Variants in DNAH3 observed in about 807,000 individuals in gnomAD.
DNAH3 encodes the protein dynein axonemal heavy chain 3.
In DNAH3, 332 loss-of-function variants were observed where a neutral mutation model predicts 432.5. That is an observed-to-expected ratio of 0.77 (90% CI 0.70 to 0.84). The LOEUF is 0.84. Ranked by LOEUF, DNAH3 falls within the 40% of genes least tolerant of loss-of-function variation. DNAH3 has a pLI of 0.00. For synonymous variants in DNAH3, 1,956 were observed against 1,900.2 expected (o/e 1.03, Z -0.76); for missense variants, 4,861 against 5,114.0 (o/e 0.95, Z 1.51).
intron 5 of DNAH3, among the ~76,000 whole-genome samples, chr16:21,139,635 C>A (rs1241882624): frequency 6.6e-6 from 1 of 151,708 alleles, no homozygotes; most frequent in African/African-American, 2.4e-5. Context: ...TGGTACCATA[C>A]CCAGCTAATT....
exon 56 of DNAH3, chr16:20,952,514 G>C: frequency 6.2e-7 from 1 of 1,613,156 alleles, no homozygotes; most frequent in Non-Finnish European, 8.5e-7. Flanking sequence ...CTAATCCTCA[G>C]GTCAGATTCG....
intron 21 of DNAH3, among the ~76,000 whole-genome samples, chr16:21,075,076 G>C (rs1443037257): frequency 6.6e-6 from 1 of 152,174 alleles, no homozygotes; most frequent in Non-Finnish European, 1.5e-5. Context: ...ATTCCTGCAT[G>C]CATTGACATC....
intron 7 of DNAH3, among the ~76,000 whole-genome samples, chr16:21,131,492 G>GAAAGAA (rs1260516290): frequency 0.37 from 2,332 of 6,238 alleles, 141 homozygotes; most frequent in Middle Eastern, 0.5. Context: ...AGAAAAGAAA[G>GAAAGAA]AGAGATGAGA....
intron 44 of DNAH3, among the ~76,000 whole-genome samples, chr16:20,990,003 G>A (rs2086473608): frequency 6.6e-6 from 1 of 152,206 alleles, no homozygotes; most frequent in Admixed American, 6.5e-5. Context: ...GCGCAGCCCC[G>A]GTTCCCACTC....
At chr16:20,989,301 T>A (rs1264020570) in intron 44 of DNAH3, among the ~76,000 whole-genome samples, 2 of 152,124 alleles carry the variant, frequency 1.3e-5, no homozygotes, top group African/African-American at 4.8e-5. Context: ...ACACAAAGGT[T>A]CTCCAAGGCC....
intron 56 of DNAH3, among the ~76,000 whole-genome samples, chr16:20,950,169 T>A (rs184296279): frequency 9.1e-4 from 138 of 152,318 alleles, no homozygotes; most frequent in African/African-American, 3.0e-3. Context: ...TCTTTGGAGA[T>A]GTTCTTTCAC....
rs565937896 is a variant in DNAH3, at chr16:21,113,263, G to T, written c.1815-1165C>A. On this transcript the variant is annotated intron_variant, in intron 12 of 61. Coordinates refer to ENST00000261383, the Ensembl canonical transcript of DNAH3. The stretch of plus-strand genomic sequence containing the variant: ...GGGAGGTAGTTGAATCATAGGGCTG[G>T]TTTTTTCCCATGTTATTCTCATGGT... 1.4e-4 allele frequency among the ~76,000 whole-genome samples: 22 copies of T among 152,240 alleles called. No homozygotes were observed. The South Asian group carries it at 3.3e-3, about 23-fold the overall frequency.
At chr16:20,963,909 G>A in exon 53 of DNAH3, 1 of 1,614,142 alleles carries the variant, frequency 6.2e-7, no homozygotes, top group Middle Eastern at 1.6e-4. Context: ...AGAGATTTAT[G>A]AACCAAGTCA....
intron 43 of DNAH3, 73 bp from the exon 44 acceptor site, chr16:20,997,535 G>T: frequency 1.3e-6 from 2 of 1,519,534 alleles, no homozygotes; most frequent in Admixed American, 3.6e-5. Flanking sequence ...GTAACAGATG[G>T]CAATTCCCCT....
At chr16:21,060,126 G>A (rs796398250) in intron 26 of DNAH3, 138 bp downstream of exon 26, 27 of 680,992 alleles carry the variant, frequency 4.0e-5, no homozygotes, top group Non-Finnish European at 6.3e-5. Context: ...GTTCACAAGT[G>A]AAGGAAAGAG....
At chr16:20,970,700 AT>A (rs1396455813) in intron 51 of DNAH3, among the ~76,000 whole-genome samples, 1 of 152,126 alleles carries the variant, frequency 6.6e-6, no homozygotes, top group Non-Finnish European at 1.5e-5. Flanking sequence ...GATCACAGTA[AT>A]TTTGGTATCA....
chr16:21,104,637 A>T, intron 15 of DNAH3, 43 bp from the exon 16 acceptor site: 7 of 1,210,470 alleles, frequency 5.8e-6, no homozygotes, highest in Non-Finnish European at 8.6e-6. Flanking sequence ...TGTTTAGCAT[A>T]GGTCGGGTCA....
chr16:21,049,506 G>A lies in DNAH3; in HGVS notation c.4461+63C>T. On this transcript the variant is annotated intron_variant, in intron 31 of 61. Transcript: ENST00000261383. ...TAAGGCCCTGTTATTAAGGGGTGCA[G>A]AGCCAAGAAAAAAGCCCCTCCATGC... 3 of 1,358,304 alleles carry A rather than the reference G, an allele frequency of 2.2e-6. No individual in the cohort carries two copies. The East Asian group carries it at 6.9e-5, about 31-fold the overall frequency. 84.1% of individuals were successfully genotyped at this position (1,358,304 alleles called of 1,614,324 possible).
At chr16:21,134,440 T>G in exon 7 of DNAH3, 1 of 1,613,996 alleles carries the variant, frequency 6.2e-7, no homozygotes, top group Non-Finnish European at 8.5e-7. Context: ...ATTGGGTCCA[T>G]GAGGATGTAA....
intron 19 of DNAH3, 80 bp from the exon 20 acceptor site, chr16:21,081,807 T>C (rs2091198018): frequency 8.1e-7 from 1 of 1,237,016 alleles, no homozygotes; most frequent in Non-Finnish European, 1.2e-6. Context: ...GATGGAGATG[T>C]TCTTTTTATC....
intron 38 of DNAH3, 125 bp from the exon 39 acceptor site, chr16:21,024,826 T>C: frequency 1.3e-6 from 1 of 762,426 alleles, no homozygotes. Context: ...GACAATAACC[T>C]AGTCCCCTGG....
At chr16:21,064,863 GTGT>G (rs1567727162) in intron 24 of DNAH3, among the ~76,000 whole-genome samples, 1,500 of 66,530 alleles carry the variant, frequency 0.023, 21 homozygotes, top group African/African-American at 0.082. Flanking sequence ...TGAGGTAGGT[GTGT>G]GTGTGTGTGT....
intron 52 of DNAH3, among the ~76,000 whole-genome samples, chr16:20,967,828 T>G (rs2085133292): frequency 6.6e-6 from 1 of 151,730 alleles, no homozygotes; most frequent in South Asian, 2.1e-4. Context: ...TTCTTTAACC[T>G]CTCCAGGTGA....
chr16:21,059,080 T>G (rs1455421932), intron 26 of DNAH3, among the ~76,000 whole-genome samples: 52 of 152,236 alleles, frequency 3.4e-4, no homozygotes. Flanking sequence ...GATGCTTTTG[T>G]GCCACAAGGG....
Sources: allele counts gnomAD v4.1 joint callset (sites outside exome capture counted in the v4.1 genomes callset), GRCh38; gene constraint gnomAD v4.1.1; transcripts MANE v1.5; gene names NCBI Gene and HGNC (gene_info 2026-07-23, HGNC 2026-07-21).